SRRM2: variants seen among roughly 807,000 people sequenced by gnomAD.
SRRM2 encodes the protein serine/arginine repetitive matrix protein 2.
A neutral mutation model predicts 213.8 loss-of-function variants in SRRM2; 30 were observed. That is an observed-to-expected ratio of 0.14 (90% CI 0.10 to 0.19). The LOEUF (loss-of-function observed/expected upper bound fraction) is 0.19. Among genes scored for constraint, SRRM2 ranks in the 10% least tolerant of loss-of-function variants. The probability of loss-of-function intolerance (pLI) is 1.00; values close to 1 mark genes in which losing one functional copy is unlikely to be tolerated. For synonymous variants in SRRM2, 2,025 were observed against 1,377.7 expected (o/e 1.47, Z -10.40); for missense variants, 4,904 against 3,647.0 (o/e 1.34, Z -8.88).
Position 2,765,020 on chromosome 16 carries a change from C to G in SRRM2, c.4492C>G (p.Arg1498Gly). 1 of 1,613,988 alleles carries G rather than the reference C, an allele frequency of 6.2e-7. No individual in the cohort carries two copies. Among genetic ancestry groups the G allele is most frequent in the Non-Finnish European group, 8.5e-7 (1 of 1,180,024 alleles). The change falls in exon 11 of 15, where the codon CGT (arginine) becomes GGT (glycine). Residue 1498 changes from arginine to glycine, a missense_variant. Coordinates refer to ENST00000301740, the MANE Select transcript of SRRM2 (RefSeq NM_016333.4). ...ALPQTPRPRS[R>G]SPSSPELNNK... is the part of the protein sequence containing the mutation. ...GCCTCAGACTCCTAGGCCGAGGAGT[C>G]GTTCTCCATCATCCCCAGAGCTCAA...
In SRRM2 at chr16:2,762,357, C is replaced by T. The variant is rs765366641; in HGVS notation, c.1829C>T (p.Ala610Val). Residue 610 changes from alanine (A) to valine (V), a missense_variant, in exon 11 of 15, where the codon GCC (alanine) becomes GTC (valine). Ala to Val is a moderately conservative substitution (Grantham distance 64). Coordinates refer to ENST00000301740, the MANE Select transcript of SRRM2 (RefSeq NM_016333.4). ...TRRRSRSRTP[A>V]RRGRSRSRTP... ...CGTAGGTCTCGGTCTAGAACACCAG[C>T]CCGGAGGGGCAGGTCTCGGTCTAGA... 6.2e-7 allele frequency: 1 copy of T among 1,611,900 alleles called. No individual in the cohort carries two copies. Among genetic ancestry groups the T allele is most frequent in the Non-Finnish European group, 8.5e-7 (1 of 1,179,110 alleles).
chr16:2,770,055 C>A (rs773500112), intron 12 of SRRM2: 25 of 1,097,660 alleles, frequency 2.3e-5, no homozygotes, highest in Non-Finnish European at 2.7e-5. Context: ...CCCAGAGCCA[C>A]GCACATCCAG....
rs200535115 is a variant in SRRM2 at position 2,759,645 on chromosome 16, G to C, written c.817G>C (p.Asp273His). Residue 273 changes from aspartate to histidine, a missense_variant, in exon 9 of 15, where the codon GAT becomes CAT. Coordinates refer to ENST00000301740, the MANE Select transcript of SRRM2 (RefSeq NM_016333.4). ...STSADSASSS[D>H]TSRSRSRSAA... ...TTCTGCTGACTCTGCTTCCTCCTCC[G>C]ATACTTCCCGCAGTCGGTAAGGGGT... 1.9e-6 allele frequency: 3 copies of C among 1,613,778 alleles called. No homozygotes were observed. The highest frequency in any genetic ancestry group is 2.5e-6 in the Non-Finnish European group (3 of 1,179,884).
chr16:2,770,489 C>T, intron 13 of SRRM2, 24 bp downstream of exon 13: 1 of 1,589,172 alleles, frequency 6.3e-7, no homozygotes, highest in Non-Finnish European at 8.6e-7. Context: ...CAGGTGTCAG[C>T]ACCCAGCCTG....
At position 2,762,171 on chromosome 16, in the gene SRRM2, C is replaced by T; in HGVS notation, c.1643C>T (p.Thr548Ile). The T allele has an allele frequency of 6.2e-7, 1 of 1,614,120 alleles. No homozygotes were observed. The highest frequency in any genetic ancestry group is 8.5e-7 in the Non-Finnish European group (1 of 1,180,008). ...CCAGGCTGGTCTAGGAGCAGAAATA[C>T]CCAGAGAAGAGGCAGGTCTAGGTCA... Reference protein sequence around the residue: ...QRPGWSRSRNTQRRGRSRSAR... With the variant: ...QRPGWSRSRNIQRRGRSRSAR... The change falls in exon 11 of 15, where the codon ACC becomes ATC. Residue 548 changes from threonine (T) to isoleucine (I), a missense_variant. By Grantham distance (89) the Thr-to-Ile change is moderately conservative. Transcript: ENST00000301740.
rs2068594420 is a variant in SRRM2, at chr16:2,767,785, G to A, written c.7257G>A (p.Met2419Ile). 3 of 1,613,832 alleles carry A rather than the reference G, an allele frequency of 1.9e-6. No individual in the cohort carries two copies. The highest frequency in any genetic ancestry group is 1.3e-5 in the African/African-American group (1 of 74,818). The change falls in exon 11 of 15, where the codon ATG becomes ATA. Residue 2419 changes from methionine to isoleucine, a missense_variant. By Grantham distance (10) the Met-to-Ile change is conservative (BLOSUM62 1). Coordinates refer to ENST00000301740, the MANE Select transcript of SRRM2 (RefSeq NM_016333.4). ...CGTCTGCCCCAAGCCAATCTAGGAT[G>A]ACCTCTGAACGGGCTCCCTCCCCTT... ...TPPSAPSQSR[M>I]TSERAPSPSS...
chr16:2,763,721 C>T lies in SRRM2; in HGVS notation c.3193C>T (p.Pro1065Ser). The change falls in exon 11 of 15, where the codon CCA becomes TCA. Residue 1065 changes from proline (P) to serine (S), a missense_variant. Transcript: ENST00000301740. ...LQLKGQSQTS[P>S]DHRSDTSSPE... ...ACTGAAAGGACAATCTCAAACTTCA[C>T]CAGACCACAGATCTGATACTTCAAG... The T allele has an allele frequency of 6.2e-7, 1 of 1,614,154 alleles. No homozygotes were observed. The highest frequency in any genetic ancestry group is 1.3e-5 in the African/African-American group (1 of 75,044).
At chr16:2,769,539 C>T (rs879288183) in intron 12 of SRRM2, 3 of 645,364 alleles carry the variant, frequency 4.6e-6, no homozygotes, top group Non-Finnish European at 8.5e-6. Flanking sequence ...AACACATAGC[C>T]TGTTCCCAGG....
chr16:2,759,929 C>G, intron 9 of SRRM2: 1 of 518,492 alleles, frequency 1.9e-6, no homozygotes, highest in Middle Eastern at 5.1e-4. Flanking sequence ...GTGGTTTGTT[C>G]GTGGTGTCTG....
At position 2,762,975 on chromosome 16, in the gene SRRM2, G is replaced by A. The variant is rs528100021; in HGVS notation, c.2447G>A (p.Arg816His). Residue 816 changes from arginine to histidine, a missense_variant, in exon 11 of 15, where the codon CGC becomes CAC. Coordinates refer to ENST00000301740, the MANE Select transcript of SRRM2 (RefSeq NM_016333.4). Reference sequence around the variant, plus strand: ...TCTAGAACGCCACCCAGACGCAGTCGCTCCAGTTCTTCTCCGCCACCTAAA... The same window carrying A: ...TCTAGAACGCCACCCAGACGCAGTCACTCCAGTTCTTCTCCGCCACCTAAA... ...AKSRTPPRRS[R>H]SSSSPPPKQK... 2.2e-5 allele frequency: 35 copies of A among 1,613,944 alleles called. No homozygotes were observed. The highest frequency in any genetic ancestry group is 1.8e-4 in the East Asian group (8 of 44,876).
At position 2,766,674 on chromosome 16, in the gene SRRM2, C is replaced by G. The variant is rs760695792; in HGVS notation, c.6146C>G (p.Ala2049Gly). 6.2e-6 allele frequency: 10 copies of G among 1,613,990 alleles called. No individual in the cohort carries two copies. Among genetic ancestry groups the G allele is most frequent in the Non-Finnish European group, 7.6e-6 (9 of 1,180,016 alleles). The part of the protein sequence containing the change: ...RKRSRSRSPL[A>G]IRRRSRSRTP... ...CGTTCTCGAAGTCGCTCACCACTTG[C>G]TATCCGCCGCCGCTCCAGATCCCGT... The change falls in exon 11 of 15, where the codon GCT becomes GGT. Residue 2049 changes from alanine to glycine, a missense_variant. By Grantham distance (60) the Ala-to-Gly change is moderately conservative. Transcript: ENST00000301740. This position sits in a 1 kb window ranked among gnomAD's most constrained non-coding sequence, Gnocchi z 7.0.
At position 2,757,844 on chromosome 16, in the gene SRRM2, C is replaced by T. The variant is rs74706545; in HGVS notation, c.414C>T (p.Ala138=). 29 of 1,613,962 alleles carry T rather than the reference C, an allele frequency of 1.8e-5. No homozygotes were observed. In the Middle Eastern group the frequency reaches 9.9e-4, roughly 55 times the overall value. ...AGAAGAATGAAAGACTCCGTGCTGC[C>T]TTTGGCATCAGTGATTCTTACGTAG... is the stretch of plus-strand genomic sequence containing the variant. ...NEKKNERLRA[A]FGISDSYVDG... The change falls in exon 4 of 15, where the codon GCC becomes GCT. Residue 138 remains alanine, a synonymous_variant. Transcript: ENST00000301740.
In SRRM2 at chr16:2,760,360, C is replaced by T. The variant is rs757670546; in HGVS notation, c.893C>T (p.Pro298Leu). Residue 298 changes from proline to leucine, a missense_variant, in exon 10 of 15, where the codon CCT (proline) becomes CTT (leucine). Transcript: ENST00000301740. ...TTALAGRSPS[P>L]ASGRRGEGDA... Reference sequence around the variant, plus strand: ...GCCTTGGCTGGGCGAAGTCCTTCCCCTGCTTCAGGGCGACGCGGGGAGGGA... The same window carrying T: ...GCCTTGGCTGGGCGAAGTCCTTCCCTTGCTTCAGGGCGACGCGGGGAGGGA... The T allele has an allele frequency of 3.1e-6, 5 of 1,614,112 alleles. No homozygotes were observed. Among genetic ancestry groups the T allele is most frequent in the East Asian group, 2.2e-5 (1 of 44,878 alleles).
intron 8 of SRRM2, 69 bp downstream of exon 8, chr16:2,759,471 G>C: frequency 6.3e-7 from 1 of 1,597,296 alleles, no homozygotes; most frequent in Non-Finnish European, 8.6e-7. Context: ...GGAGTTGAAT[G>C]AGTTATGTCC....
Position 2,763,909 on chromosome 16 carries a change from G to A in SRRM2, c.3381G>A (p.Leu1127=). The change falls in exon 11 of 15, where the codon TTG becomes TTA. Residue 1127 remains leucine, a synonymous_variant. Coordinates refer to ENST00000301740, the MANE Select transcript of SRRM2 (RefSeq NM_016333.4). ...GTGAGTTCTCAGCGAGTCCTATGTT[G>A]AAATCTGGAATGTCTCCTGAGCAGA... ...DRGEFSASPM[L]KSGMSPEQSR... is the part of the protein sequence containing the mutation. 1.2e-6 allele frequency: 2 copies of A among 1,614,204 alleles called. No homozygotes were observed. The highest frequency in any genetic ancestry group is 2.2e-5 in the South Asian group (2 of 91,074).
rs771588349 is a variant in SRRM2 at position 2,761,704 on chromosome 16, C to T, written c.1176C>T (p.Asn392=). The change falls in exon 11 of 15, where the codon AAC becomes AAT. Residue 392 remains asparagine, a synonymous_variant. Transcript: ENST00000301740. Reference sequence around the variant, plus strand: ...CCCCCTTAAGCCAGGAGCCAGTGAACCCCCCATCTGAGGCCTCTCCAACTC... The same window carrying T: ...CCCCCTTAAGCCAGGAGCCAGTGAATCCCCCATCTGAGGCCTCTCCAACTC... ...ATTPLSQEPV[N]PPSEASPTRD... is the part of the protein sequence containing the mutation. 3.1e-6 allele frequency: 5 copies of T among 1,604,568 alleles called. No homozygotes were observed. The highest frequency in any genetic ancestry group is 2.2e-5 in the East Asian group (1 of 44,846).
chr16:2,756,748 A>C, intron 2 of SRRM2, 142 bp downstream of exon 2: 3 of 1,191,016 alleles, frequency 2.5e-6, no homozygotes, highest in Non-Finnish European at 3.4e-6. Context: ...AGCTCTAGAG[A>C]AGTGAAAACA....
Position 2,766,677 on chromosome 16 carries a change from T to A in SRRM2, c.6149T>A (p.Ile2050Asn). 6.2e-7 allele frequency: 1 copy of A among 1,611,746 alleles called. No individual in the cohort carries two copies. The highest frequency in any genetic ancestry group is 1.3e-5 in the African/African-American group (1 of 74,128). The change falls in exon 11 of 15, where the codon ATC becomes AAC. Residue 2050 changes from isoleucine (I) to asparagine (N), a missense_variant. Coordinates refer to ENST00000301740, the MANE Select transcript of SRRM2 (RefSeq NM_016333.4). This position sits in a 1 kb window ranked among gnomAD's most constrained non-coding sequence, Gnocchi z 7.0. The part of the protein sequence containing the change: ...KRSRSRSPLA[I>N]RRRSRSRTPR... ...TCTCGAAGTCGCTCACCACTTGCTA[T>A]CCGCCGCCGCTCCAGATCCCGTACT...
rs1035290555 is a variant in SRRM2 at position 2,752,752 on chromosome 16, G to T, written c.-126G>T. ...CGGCTGAGGCGGGCGGACCGGCGAG[G>T]CGAGGCGGCGGCCCCAGGCCCGAGG... On this transcript the variant is annotated 5_prime_UTR_variant, in exon 1 of 15. Transcript: ENST00000301740. The T allele has an allele frequency of 1.4e-5, 5 of 358,486 alleles. No individual in the cohort carries two copies. The highest frequency in any genetic ancestry group is 1.4e-4 in the Admixed American group (4 of 29,164). 22.2% of individuals were successfully genotyped at this position (358,486 alleles called of 1,614,324 possible).
Sources: gnomAD v4.1 joint callset for allele counts on GRCh38, gnomAD v4.1.1 for gene constraint, Gnocchi (gnomAD v3.1) non-coding constraint, MANE v1.5 for transcripts, NCBI Gene and HGNC (gene_info 2026-07-23, HGNC 2026-07-21) for gene names.